YBX1: variants seen among roughly 807,000 people sequenced by gnomAD.
The protein encoded by YBX1 is Y-box-binding protein 1.
A neutral mutation model predicts 41.4 loss-of-function variants in YBX1; 3 were observed. The ratio of observed to expected loss-of-function variants is 0.07; its 90% CI spans 0.03 to 0.19. YBX1 has a LOEUF of 0.19. YBX1 is among the 10% of genes least tolerant of loss of function. The pLI is 1.00. For synonymous variants in YBX1, 133 were observed against 165.8 expected, an observed-to-expected ratio of 0.80 and a Z score of 1.52; for missense variants, 274 against 462.8, an observed-to-expected ratio of 0.59 and a Z score of 3.74.
intron 3 of YBX1, among the ~76,000 whole-genome samples, chr1:42,694,049 C>T (rs1650403252): frequency 6.7e-6 from 1 of 149,706 alleles, no homozygotes; most frequent in Non-Finnish European, 1.5e-5. Context: ...TTTTTTTAAA[C>T]CTTTGGAGAG....
At chr1:42,682,803 C>A in intron 1 of YBX1, 72 bp downstream of exon 1, 2 of 1,080,212 alleles carry the variant, frequency 1.9e-6, no homozygotes, top group Non-Finnish European at 2.3e-6. Context: ...CGGAGCTGGG[C>A]GAGCCGGCGG....
intron 6 of YBX1, among the ~76,000 whole-genome samples, chr1:42,700,562 G>A (rs1650569242): frequency 6.7e-6 from 1 of 148,762 alleles, no homozygotes; most frequent in Non-Finnish European, 1.5e-5. Flanking sequence ...TCATTCCATG[G>A]CACTTTAGTC....
chr1:42,690,623 CTT>C (rs1259193675), intron 2 of YBX1, among the ~76,000 whole-genome samples: 2 of 152,288 alleles, frequency 1.3e-5, no homozygotes, highest in East Asian at 1.9e-4. Context: ...GAAAGAAAGA[CTT>C]TATCCAGCTT....
At chr1:42,701,569 C>G (rs748768693) in intron 7 of YBX1, among the ~76,000 whole-genome samples, 7 of 150,302 alleles carry the variant, frequency 4.7e-5, no homozygotes, top group African/African-American at 1.7e-4. Context: ...CGGAAAAAGA[C>G]GAGAGTGTTT....
At chr1:42,685,011 C>T (rs1048672546) in intron 2 of YBX1, among the ~76,000 whole-genome samples, 1 of 152,180 alleles carries the variant, frequency 6.6e-6, no homozygotes, top group African/African-American at 2.4e-5. Context: ...TCGGGCCATA[C>T]CTTCAAAATC....
intron 6 of YBX1, among the ~76,000 whole-genome samples, chr1:42,700,283 T>TG (rs1650561604): frequency 6.6e-6 from 1 of 152,022 alleles, no homozygotes; most frequent in Non-Finnish European, 1.5e-5. Context: ...TTCTGAGCAC[T>TG]GGGGGAAAGA....
At position 42,690,145 on chromosome 1, in the gene YBX1, A is replaced by G. The variant is rs146022145; in HGVS notation, c.231-3345A>G. 3.9e-3 allele frequency among the ~76,000 whole-genome samples: 601 copies of G among 152,170 alleles called. 3 individuals carry two copies. Among genetic ancestry groups the G allele is most frequent in the African/African-American group, 0.014 (573 of 41,526 alleles). On this transcript the variant is annotated intron_variant, in intron 2 of 7. Coordinates refer to ENST00000321358, the MANE Select transcript of YBX1 (RefSeq NM_004559.5). ...GTGCAAGAACTTGAACCCCGAAGGC[A>G]GAGGTTGCAGTGAGCCAAGATCGCT...
At position 42,696,324 on chromosome 1, in the gene YBX1, T is replaced by TA; in HGVS notation, c.354+37dup. 2 of 1,602,002 alleles carry TA rather than the reference T, an allele frequency of 1.2e-6. No individual in the cohort carries two copies. Among genetic ancestry groups the TA allele is most frequent in the Non-Finnish European group, 1.7e-6 (2 of 1,172,062 alleles). ...TTTTTGTGTAAAGGTTTGACTTCAG[T>TA]ATGGAAATATTTTGGAGGTCTCATC... On this transcript the variant is annotated intron_variant, in intron 4 of 7. Coordinates refer to ENST00000321358, the MANE Select transcript of YBX1 (RefSeq NM_004559.5). This position sits in a 1 kb window ranked among gnomAD's most constrained non-coding sequence, Gnocchi z 5.7.
intron 3 of YBX1, among the ~76,000 whole-genome samples, chr1:42,694,724 T>C (rs969642938): frequency 2.0e-5 from 3 of 152,242 alleles, no homozygotes; most frequent in Admixed American, 6.5e-5. Flanking sequence ...ATTCTAAATG[T>C]AAATAAATAC....
chr1:42,696,522 C>CCGGGGGGGGGGGGGGGGGGGG lies in YBX1; in HGVS notation c.355-120_355-119insCGGGGGGGGGGGGGGGGGGGG. 1.6e-6 allele frequency: 1 copy of CCGGGGGGGGGGGGGGGGGGGG among 637,568 alleles called. No homozygotes were observed. The highest frequency in any genetic ancestry group is 2.4e-6 in the Non-Finnish European group (1 of 420,684). 39.5% of individuals were successfully genotyped at this position (637,568 alleles called of 1,614,324 possible). A position where few individuals can be genotyped will look rare whatever the true frequency, so the allele number is the denominator to read the frequency against. On this transcript the variant is annotated intron_variant, in intron 4 of 7. Coordinates refer to ENST00000321358, the MANE Select transcript of YBX1 (RefSeq NM_004559.5). This position sits in a 1 kb window ranked among gnomAD's most constrained non-coding sequence, Gnocchi z 5.7. ...GGTCACGCAGTTGCGCCCCCCCCCCCTTTTTTTTCCTTAACTTTGTTGTTT... is the reference window on the plus strand; with the variant it reads ...GGTCACGCAGTTGCGCCCCCCCCCCCCGGGGGGGGGGGGGGGGGGGGTTTTTTTTCCTTAACTTTGTTGTTT...
intron 2 of YBX1, among the ~76,000 whole-genome samples, chr1:42,690,401 T>C (rs907779210): frequency 3.9e-5 from 6 of 152,196 alleles, no homozygotes; most frequent in African/African-American, 1.4e-4. Flanking sequence ...GAAAATATTA[T>C]AGACAGTCAT....
chr1:42,692,737 T>C (rs1166702150), intron 2 of YBX1, among the ~76,000 whole-genome samples: 1 of 152,226 alleles, frequency 6.6e-6, no homozygotes, highest in African/African-American at 2.4e-5. Context: ...CGTTTCCTTC[T>C]CCAGTGGTGA....
rs376601790 is a variant in YBX1 at position 42,703,482 on chromosome 1, T to A, written c.*1533T>A. Among the ~76,000 whole-genome samples, 14 of 151,972 alleles carry A rather than the reference T, an allele frequency of 9.2e-5. No individual in the cohort carries two copies. The highest frequency in any genetic ancestry group is 6.2e-4 in the South Asian group (3 of 4,822). ...TTGATAAGAGACTACTCAAAAAAAATTTTTTTAACCCTACTTAGTGTAAAT... is the reference window on the plus strand; with the variant it reads ...TTGATAAGAGACTACTCAAAAAAAAATTTTTTAACCCTACTTAGTGTAAAT... On this transcript the variant is annotated 3_prime_UTR_variant, in exon 8 of 8. Coordinates refer to ENST00000321358, the MANE Select transcript of YBX1 (RefSeq NM_004559.5).
intron 6 of YBX1, among the ~76,000 whole-genome samples, chr1:42,700,521 C>G (rs138028208): frequency 7.3e-5 from 11 of 151,496 alleles, no homozygotes; most frequent in Non-Finnish European, 5.9e-5. Flanking sequence ...ATCACTTGAG[C>G]CTGGGAGATT....
At position 42,702,741 on chromosome 1, in the gene YBX1, C is replaced by G. The variant is rs113290277; in HGVS notation, c.*792C>G. On this transcript the variant is annotated 3_prime_UTR_variant, in exon 8 of 8. Coordinates refer to ENST00000321358, the MANE Select transcript of YBX1 (RefSeq NM_004559.5). Reference sequence around the variant, plus strand: ...TGTTTCAGTGTGTCAATTGAAGATGCCAATTGAAGTGTTAGGACAACCTGT... The same window carrying G: ...TGTTTCAGTGTGTCAATTGAAGATGGCAATTGAAGTGTTAGGACAACCTGT... Among the ~76,000 whole-genome samples the G allele has an allele frequency of 1.9e-3, 284 of 152,244 alleles. 1 individual carries two copies. The highest frequency in any genetic ancestry group is 6.6e-3 in the African/African-American group (274 of 41,546).
chr1:42,689,905 G>C (rs1047539793), intron 2 of YBX1, among the ~76,000 whole-genome samples: 1 of 152,142 alleles, frequency 6.6e-6, no homozygotes, highest in Non-Finnish European at 1.5e-5. Flanking sequence ...TAGTATTAGT[G>C]AATAGTAAAT....
At position 42,685,778 on chromosome 1, in the gene YBX1, C is replaced by T. The variant is rs148083213; in HGVS notation, c.230+2312C>T. ...ACAATATTGTATGTAAATTTTCTGCCTTTAAAGACATAATTTCATTGTAAA... is the reference window on the plus strand; with the variant it reads ...ACAATATTGTATGTAAATTTTCTGCTTTTAAAGACATAATTTCATTGTAAA... On this transcript the variant is annotated intron_variant, in intron 2 of 7. Transcript: ENST00000321358. Among the ~76,000 whole-genome samples, 13 of 152,276 alleles carry T rather than the reference C, an allele frequency of 8.5e-5. No individual in the cohort carries two copies. In the East Asian group the frequency reaches 1.3e-3, roughly 16 times the overall value.
chr1:42,693,908 G>C (rs1021625545), intron 3 of YBX1, among the ~76,000 whole-genome samples: 13 of 152,150 alleles, frequency 8.5e-5, no homozygotes, highest in Admixed American at 6.5e-5. Context: ...TACCTGTAGG[G>C]ACAAATCTCC....
At chr1:42,683,522 G>T in intron 2 of YBX1, 56 bp downstream of exon 2, 1 of 1,605,420 alleles carries the variant, frequency 6.2e-7, no homozygotes, top group Admixed American at 1.7e-5. Flanking sequence ...TTCCTGCTCT[G>T]TCGGCTTCTC....
Sources: allele counts gnomAD v4.1 joint callset (sites outside exome capture counted in the v4.1 genomes callset), GRCh38; gene constraint gnomAD v4.1.1; non-coding constraint Gnocchi (gnomAD v3.1); transcripts MANE v1.5; gene names NCBI Gene and HGNC (gene_info 2026-07-23, HGNC 2026-07-21).